The following CREBBP variants were observed in gnomAD, a reference collection of about 807,000 sequenced individuals.
CREBBP encodes the protein CREB binding lysine acetyltransferase.
Under a neutral mutation model 265.0 loss-of-function variants are expected in CREBBP, and 19 were observed. The observed-to-expected ratio is 0.07, with a 90% confidence interval of 0.05 to 0.11. The LOEUF is 0.11. CREBBP is among the 10% of genes least tolerant of loss of function. CREBBP has a pLI of 1.00. For synonymous variants in CREBBP, 1,457 were observed against 1,223.7 expected, an observed-to-expected ratio of 1.19 and a Z score of -3.98; for missense variants, 2,525 against 3,219.0, an observed-to-expected ratio of 0.78 and a Z score of 5.22.
Position 3,758,988 on chromosome 16 carries a change from C to T in CREBBP, c.3251-16G>A. The stretch of plus-strand genomic sequence containing the variant: ...GGTTTAAAGACTGCAGAGAAAACAT[C>T]AAGAAAAGACACTTTGTAAAAGGTG... On this transcript the variant is annotated splice_polypyrimidine_tract_variant and intron_variant, in intron 16 of 30. Transcript: ENST00000262367. 6.4e-7 allele frequency: 1 copy of T among 1,569,150 alleles called. No individual in the cohort carries two copies.
intron 2 of CREBBP, among the ~76,000 whole-genome samples, chr16:3,846,475 G>A (rs1364181981): frequency 6.6e-6 from 1 of 152,170 alleles, no homozygotes; most frequent in African/African-American, 2.4e-5. Flanking sequence ...AGCAGATATG[G>A]TCACTCAGCT....
chr16:3,833,316 G>C (rs557353075), intron 2 of CREBBP, among the ~76,000 whole-genome samples: 1 of 152,362 alleles, frequency 6.6e-6, no homozygotes, highest in African/African-American at 2.4e-5. Context: ...GGAGGCTGAG[G>C]CACGAGAATC....
rs896305093 is a variant in CREBBP, at chr16:3,727,458, C to T, written c.*260G>A. On this transcript the variant is annotated 3_prime_UTR_variant, in exon 31 of 31. Coordinates refer to ENST00000262367, the MANE Select transcript of CREBBP (RefSeq NM_004380.3). ...GAATCCAAACAAAACCCCCCTCCCC[C>T]CAAACAAAAACAAAACGGAAAAAAA... is the stretch of plus-strand genomic sequence containing the variant. 3.5e-6 allele frequency: 1 copy of T among 283,990 alleles called. No individual in the cohort carries two copies. Among genetic ancestry groups the T allele is most frequent in the East Asian group, 6.3e-5 (1 of 15,960 alleles). 17.6% of individuals were successfully genotyped at this position (283,990 alleles called of 1,614,324 possible). A position where few individuals can be genotyped will look rare whatever the true frequency, so the allele number is the denominator to read the frequency against.
At position 3,764,303 on chromosome 16, in the gene CREBBP, G is replaced by T. The variant is rs558437836; in HGVS notation, c.3250+3417C>A. Among the ~76,000 whole-genome samples, 5 of 151,990 alleles carry T rather than the reference G, an allele frequency of 3.3e-5. No individual in the cohort carries two copies. In the South Asian group the frequency reaches 1.0e-3, roughly 32 times the overall value. ...AAATATTCTTTATTTTTAAGACAGG[G>T]TCTCACTCTCTCATCCAGGCTAGAA... On this transcript the variant is annotated intron_variant, in intron 16 of 30. Transcript: ENST00000262367.
Position 3,728,973 on chromosome 16 carries a change from G to A in CREBBP, c.6074C>T (p.Pro2025Leu), listed in dbSNP as rs1010580725. 3 of 1,596,208 alleles carry A rather than the reference G, an allele frequency of 1.9e-6. No homozygotes were observed. The highest frequency in any genetic ancestry group is 1.7e-4 in the Middle Eastern group (1 of 6,034). Residue 2025 changes from proline (P) to leucine (L), a missense_variant, in exon 31 of 31, where the codon CCC becomes CTC. Pro to Leu is a moderately conservative substitution (Grantham distance 98). This residue lies in a region of CREBBP where 275 missense variants were observed against 276.5 expected (regional missense o/e 0.99). Transcript: ENST00000262367. This position sits in a 1 kb window ranked among gnomAD's most constrained non-coding sequence, Gnocchi z 8.7. ...SMPPGQWQQA[P>L]LPQQQPMPGL... is the part of the protein sequence containing the mutation. Reference sequence around the variant, plus strand: ...TGGCATGGGCTGCTGCTGGGGAAGGGGCGCCTGCTGCCACTGCCCGGGAGG... The same window carrying A: ...TGGCATGGGCTGCTGCTGGGGAAGGAGCGCCTGCTGCCACTGCCCGGGAGG...
intron 13 of CREBBP, among the ~76,000 whole-genome samples, chr16:3,771,802 CTTTT>C (rs34195127): frequency 4.1e-4 from 54 of 131,926 alleles, no homozygotes; most frequent in African/African-American, 1.4e-3. Flanking sequence ...CAATTTAAAA[CTTTT>C]TTTTTTTTTT....
rs2151305440 is a variant in CREBBP, at chr16:3,728,829, G to A, written c.6218C>T (p.Thr2073Ile). ...CTGAGGGGAGCTGGGCGACTTCAGGGTCCGCAGCAGGTCTTGCAGAGCGCT... is the reference window on the plus strand; with the variant it reads ...CTGAGGGGAGCTGGGCGACTTCAGGATCCGCAGCAGGTCTTGCAGAGCGCT... ...SPSALQDLLRTLKSPSSPQQQ... is the reference protein window; with the variant it reads ...SPSALQDLLRILKSPSSPQQQ... The change falls in exon 31 of 31, where the codon ACC (threonine) becomes ATC (isoleucine). Residue 2073 changes from threonine to isoleucine, a missense_variant. By Grantham distance (89) the Thr-to-Ile change is moderately conservative. Around this residue, in one of 19 missense-constraint regions of CREBBP, gnomAD observed 275 missense variants for 276.5 expected, o/e 0.99. Coordinates refer to ENST00000262367, the MANE Select transcript of CREBBP (RefSeq NM_004380.3). This position sits in a 1 kb window ranked among gnomAD's most constrained non-coding sequence, Gnocchi z 8.7. The A allele has an allele frequency of 6.2e-7, 1 of 1,613,492 alleles. No individual in the cohort carries two copies. The highest frequency in any genetic ancestry group is 8.5e-7 in the Non-Finnish European group (1 of 1,179,976).
At chr16:3,831,932 G>C (rs550237712) in intron 2 of CREBBP, among the ~76,000 whole-genome samples, 1 of 152,180 alleles carries the variant, frequency 6.6e-6, no homozygotes, top group South Asian at 2.1e-4. Context: ...AGGACGTGGA[G>C]GCTGCAGTGA....
intron 16 of CREBBP, among the ~76,000 whole-genome samples, chr16:3,766,757 C>A (rs1233308307): frequency 2.0e-5 from 3 of 152,132 alleles, no homozygotes; most frequent in African/African-American, 7.2e-5. Context: ...GAACTCCCAG[C>A]ATCAAGCAAG....
Position 3,728,960 on chromosome 16 carries a change from C to T in CREBBP, c.6087G>A (p.Gln2029=), listed in dbSNP as rs1417940613. Residue 2029 remains glutamine, a synonymous_variant, in exon 31 of 31, where the codon CAG becomes CAA. Transcript: ENST00000262367. The surrounding 1 kb of genome is among the most constrained non-coding windows in gnomAD (Gnocchi z 8.7). ...GQWQQAPLPQ[Q]QPMPGLPRPV... ...GCCTGGGCAAGCCTGGCATGGGCTG[C>T]TGCTGGGGAAGGGGCGCCTGCTGCC... is the stretch of plus-strand genomic sequence containing the variant. The T allele has an allele frequency of 1.9e-6, 3 of 1,598,252 alleles. No individual in the cohort carries two copies. In the African/African-American group the frequency reaches 4.0e-5, roughly 21 times the overall value.
At chr16:3,810,874 C>T (rs1435415227) in intron 2 of CREBBP, 95 bp from the exon 3 acceptor site, 2 of 1,244,556 alleles carry the variant, frequency 1.6e-6, no homozygotes, top group Non-Finnish European at 2.3e-6. Context: ...ATGAAATACT[C>T]ATTGCAATGA....
At chr16:3,767,587 G>T in intron 16 of CREBBP, 133 bp downstream of exon 16, 1 of 1,225,234 alleles carries the variant, frequency 8.2e-7, no homozygotes. Context: ...GGGAAAGTCT[G>T]GGGAATGGCA....
In CREBBP at chr16:3,815,474, G is replaced by T. The variant is rs1245413130; in HGVS notation, c.799-4695C>A. On this transcript the variant is annotated intron_variant, in intron 2 of 30. Transcript: ENST00000262367. ...GAACCCGGGAGGCAGAAAATGCAGTGAGCTGAGATCTTGCCACTGCACTCC... is the reference window on the plus strand; with the variant it reads ...GAACCCGGGAGGCAGAAAATGCAGTTAGCTGAGATCTTGCCACTGCACTCC... 4.8e-5 allele frequency among the ~76,000 whole-genome samples: 7 copies of T among 147,016 alleles called. No homozygotes were observed. The Admixed American group carries it at 4.8e-4, about 10-fold the overall frequency.
intron 2 of CREBBP, among the ~76,000 whole-genome samples, chr16:3,834,559 C>T (rs2054404633): frequency 6.6e-6 from 1 of 152,102 alleles, no homozygotes; most frequent in Admixed American, 6.6e-5. Flanking sequence ...ACACAGACGG[C>T]TTTTAGGGCA....
chr16:3,757,093 A>G (rs1314571305), intron 19 of CREBBP, among the ~76,000 whole-genome samples, 195 bp downstream of exon 19: 2 of 152,140 alleles, frequency 1.3e-5, no homozygotes, highest in African/African-American at 2.4e-5. Flanking sequence ...GGCTGATAAC[A>G]TAACTCCTGG....
chr16:3,772,660 G>A (rs1399911647), intron 13 of CREBBP, among the ~76,000 whole-genome samples: 1 of 152,092 alleles, frequency 6.6e-6, no homozygotes, highest in East Asian at 1.9e-4. Flanking sequence ...CCCTTTACAC[G>A]AAGTTTGCTA....
intron 15 of CREBBP, 147 bp from the exon 16 acceptor site, chr16:3,768,056 G>C: frequency 1.4e-6 from 1 of 692,212 alleles, no homozygotes; most frequent in Non-Finnish European, 2.5e-6. Context: ...TTCTCTTCCG[G>C]AAGAAGAAAT....
At chr16:3,847,223 G>A (rs1288299236) in intron 2 of CREBBP, among the ~76,000 whole-genome samples, 1 of 152,138 alleles carries the variant, frequency 6.6e-6, no homozygotes. Flanking sequence ...TATGTAGTCT[G>A]GTTTCATTAT....
chr16:3,846,520 AACT>A (rs1259808880), intron 2 of CREBBP, among the ~76,000 whole-genome samples: 3 of 152,242 alleles, frequency 2.0e-5, no homozygotes, highest in Non-Finnish European at 4.4e-5. Context: ...TTCAAAGCAA[AACT>A]GTGAAAACAG....
Sources: gnomAD v4.1 joint callset for allele counts (sites outside exome capture counted in the v4.1 genomes callset) on GRCh38, gnomAD v4.1.1 for gene constraint, gnomAD v4.1.1 regional missense constraint, Gnocchi (gnomAD v3.1) non-coding constraint, MANE v1.5 for transcripts, NCBI Gene and HGNC (gene_info 2026-07-23, HGNC 2026-07-21) for gene names.